The following ENOSF1 variants were observed in gnomAD, a reference collection of about 807,000 sequenced individuals.
ENOSF1 encodes the protein enolase superfamily member 1.
In ENOSF1, 73 loss-of-function variants were observed where a neutral mutation model predicts 68.2. That is an observed-to-expected ratio of 1.07 (90% CI 0.89 to 1.30). The LOEUF (loss-of-function observed/expected upper bound fraction) is 1.30, where lower values mean the gene tolerates loss of function less well. Ranked by LOEUF, ENOSF1 falls within the 50% of genes most tolerant of loss-of-function variation. ENOSF1 has a pLI of 0.00. For missense variants in ENOSF1, 589 were observed against 554.5 expected, an observed-to-expected ratio of 1.06 and a Z score of -0.62; for synonymous variants, 223 against 210.4, an observed-to-expected ratio of 1.06 and a Z score of -0.52.
At chr18:676,023 G>C (rs533244935) in intron 14 of ENOSF1, among the ~76,000 whole-genome samples, 55 of 152,286 alleles carry the variant, frequency 3.6e-4, no homozygotes, top group South Asian at 3.3e-3. Flanking sequence ...CCCAGATGCA[G>C]AACAATAAAA....
intron 7 of ENOSF1, 57 bp downstream of exon 7, chr18:691,011 C>T (rs1405838677): frequency 1.3e-6 from 2 of 1,566,604 alleles, no homozygotes; most frequent in African/African-American, 1.4e-5. Flanking sequence ...AGGACAGGGG[C>T]ACTCAAAAGT....
At chr18:712,335 G>C (rs1000738363) in intron 1 of ENOSF1, 169 bp downstream of exon 1, 5 of 1,535,032 alleles carry the variant, frequency 3.3e-6, no homozygotes, top group African/African-American at 1.4e-5. Context: ...GGGCGGGAGG[G>C]ACCCGGGCCG....
At chr18:696,275 G>C (rs1225250300) in intron 3 of ENOSF1, among the ~76,000 whole-genome samples, 1 of 142,720 alleles carries the variant, frequency 7.0e-6, no homozygotes, top group South Asian at 2.2e-4. Context: ...GCAGTGGTGC[G>C]ATCTCGGCTC....
In ENOSF1 at chr18:672,954, G is replaced by A; in HGVS notation, c.*1351C>T. ...AAAGCTGAAGACTTTCAGATTGAAG[G>A]GTACAATCCGCATCCAACTATTAAA... On this transcript the variant is annotated 3_prime_UTR_variant, in exon 16 of 16. Transcript: ENST00000647584. 6.3e-7 allele frequency: 1 copy of A among 1,588,818 alleles called. No individual in the cohort carries two copies. Among genetic ancestry groups the A allele is most frequent in the Non-Finnish European group, 8.6e-7 (1 of 1,160,894 alleles).
chr18:684,963 G>C (rs1568047713), intron 10 of ENOSF1, among the ~76,000 whole-genome samples: 1 of 151,952 alleles, frequency 6.6e-6, no homozygotes, highest in Non-Finnish European at 1.5e-5. Flanking sequence ...TGAGCTCAGT[G>C]ATCCTCTTGC....
At chr18:701,247 A>G (rs568176013) in intron 2 of ENOSF1, among the ~76,000 whole-genome samples, 2 of 152,268 alleles carry the variant, frequency 1.3e-5, no homozygotes, top group South Asian at 4.1e-4. Flanking sequence ...CATGTGTCCA[A>G]ACCTAAGAGT....
At chr18:666,921 A>T (rs62090120), downstream of ENOSF1, among the ~76,000 whole-genome samples, 13,023 of 32,872 alleles carry the variant, frequency 0.4, 2,424 homozygotes, top group Non-Finnish European at 0.44. Context: ...ATGGTGATGG[A>T]GATGGTGATG....
intron 2 of ENOSF1, among the ~76,000 whole-genome samples, chr18:698,076 A>G (rs949847444): frequency 2.0e-5 from 3 of 152,190 alleles, no homozygotes; most frequent in African/African-American, 7.2e-5. Flanking sequence ...TTACAGGCAT[A>G]AGCCACTGTG....
At chr18:685,873 G>T in intron 10 of ENOSF1, 48 bp downstream of exon 10, 1 of 1,359,340 alleles carries the variant, frequency 7.4e-7, no homozygotes, top group African/African-American at 1.4e-5. Flanking sequence ...GTTGTATTTA[G>T]CCCTGGACAA....
At chr18:678,359 T>A (rs1021144414) in intron 12 of ENOSF1, 6 of 388,748 alleles carry the variant, frequency 1.5e-5, no homozygotes, top group Non-Finnish European at 2.8e-5. Context: ...GCTCAAAAAG[T>A]GAACGCAGTC....
chr18:676,296 C>A (rs1005395634), intron 14 of ENOSF1, among the ~76,000 whole-genome samples: 1 of 152,146 alleles, frequency 6.6e-6, no homozygotes, highest in African/African-American at 2.4e-5. Flanking sequence ...GCCCAAATCT[C>A]ATGTTGAACT....
At chr18:682,922 C>CAA (rs71174270) in intron 11 of ENOSF1, 13,650 of 193,230 alleles carry the variant, frequency 0.071, 522 homozygotes, top group Non-Finnish European at 0.089. Context: ...CACCAAAAAA[C>CAA]AAAAAAAAAA....
intron 9 of ENOSF1, 108 bp from the exon 10 acceptor site, chr18:686,116 T>C (rs1172047557): frequency 1.3e-6 from 1 of 798,224 alleles, no homozygotes; most frequent in African/African-American, 1.7e-5. Flanking sequence ...ACAGATATGT[T>C]TTTTAGTAAC....
intron 11 of ENOSF1, among the ~76,000 whole-genome samples, chr18:678,941 G>A (rs1457321878): frequency 6.6e-6 from 1 of 152,206 alleles, no homozygotes; most frequent in Non-Finnish European, 1.5e-5. Flanking sequence ...GCACTGCTGA[G>A]CTGCCACCAC....
chr18:686,191 T>C, intron 9 of ENOSF1, 183 bp from the exon 10 acceptor site: 1 of 594,808 alleles, frequency 1.7e-6, no homozygotes, highest in Non-Finnish European at 3.0e-6. Flanking sequence ...TATCTCTTCA[T>C]TCAGTATCAG....
At chr18:688,521 C>T (rs915979250) in intron 9 of ENOSF1, 53 bp downstream of exon 9, 33 of 1,612,602 alleles carry the variant, frequency 2.0e-5, no homozygotes, top group Non-Finnish European at 2.8e-5. Context: ...AGACTTACTG[C>T]CTGAGTCTCT....
chr18:674,337 A>G lies in ENOSF1; in HGVS notation c.1300T>C (p.Trp434Arg), dbSNP rs1366091166. ...TCTTGAGCAGGAAGGAGTTTCTTCC[A>G]AACTTCACCATCTGGATACTGGTGT... ...KKHQYPDGEV[W>R]KKLLPAQEN Residue 434 changes from tryptophan (W) to arginine (R), a missense_variant, in exon 16 of 16, where the codon TGG becomes CGG. By Grantham distance (101) the Trp-to-Arg change is moderately radical. Coordinates refer to ENST00000647584, the MANE Select transcript of ENOSF1 (RefSeq NM_017512.7). 3.1e-6 allele frequency: 5 copies of G among 1,612,604 alleles called. No individual in the cohort carries two copies. The highest frequency in any genetic ancestry group is 1.6e-4 in the Middle Eastern group (1 of 6,082).
chr18:708,195 G>A (rs2145499508), intron 1 of ENOSF1, among the ~76,000 whole-genome samples: 1 of 152,186 alleles, frequency 6.6e-6, no homozygotes, highest in South Asian at 2.1e-4. Context: ...TTAAATCCCT[G>A]TATTGGGGTG....
chr18:677,242 A>C, intron 14 of ENOSF1, 103 bp downstream of exon 14: 1 of 924,404 alleles, frequency 1.1e-6, no homozygotes, highest in South Asian at 1.6e-5. Flanking sequence ...ATGCCAGCGG[A>C]CAAGGTCTTA....
Sources: gnomAD v4.1 joint callset for allele counts (sites outside exome capture counted in the v4.1 genomes callset) on GRCh38, gnomAD v4.1.1 for gene constraint, MANE v1.5 for transcripts, NCBI Gene and HGNC (gene_info 2026-07-23, HGNC 2026-07-21) for gene names.